Variants in TMEM108 observed in about 807,000 individuals in gnomAD.
TMEM108 encodes transmembrane protein 108.
Under a neutral mutation model 35.1 loss-of-function variants are expected in TMEM108, and 12 were observed. The observed-to-expected ratio is 0.34, with a 90% confidence interval of 0.22 to 0.55. The LOEUF (loss-of-function observed/expected upper bound fraction) is 0.55, where lower values mean the gene tolerates loss of function less well. TMEM108 is among the 20% of genes least tolerant of loss of function. TMEM108 has a pLI of 0.89. For synonymous variants in TMEM108, 287 were observed against 308.6 expected, an observed-to-expected ratio of 0.93 and a Z score of 0.73; for missense variants, 680 against 753.3, an observed-to-expected ratio of 0.90 and a Z score of 1.14.
At chr3:133,284,632 A>T (rs1211977534) in intron 3 of TMEM108, among the ~76,000 whole-genome samples, 1 of 152,160 alleles carries the variant, frequency 6.6e-6, no homozygotes, top group East Asian at 1.9e-4. Flanking sequence ...GTGACTAAGA[A>T]CTGTTTGGTG....
chr3:133,321,744 A>G (rs2071270295), intron 3 of TMEM108, among the ~76,000 whole-genome samples: 1 of 152,182 alleles, frequency 6.6e-6, no homozygotes, highest in Non-Finnish European at 1.5e-5. Flanking sequence ...TCATCATCAC[A>G]TGGAACATTC....
rs1257987859 is a variant in TMEM108 at position 133,329,993 on chromosome 3, CT to C, written c.41-49754del. The stretch of plus-strand genomic sequence containing the variant: ...CTCCAAGGAATGAGTTTCCACCTGT[CT>C]TTTTATGCTTTGCATCTGGCAGTTT... On this transcript the variant is annotated intron_variant, in intron 3 of 5. Coordinates refer to ENST00000321871, the MANE Select transcript of TMEM108 (RefSeq NM_023943.4). Among the ~76,000 whole-genome samples the C allele has an allele frequency of 4.6e-5, 7 of 152,196 alleles. No homozygotes were observed. In the East Asian group the frequency reaches 1.3e-3, roughly 29 times the overall value.
intron 2 of TMEM108, among the ~76,000 whole-genome samples, chr3:133,171,805 G>T (rs1945134329): frequency 2.6e-5 from 4 of 151,994 alleles, no homozygotes; most frequent in South Asian, 4.1e-4. Context: ...CACATTTTTT[G>T]AAAAAACCTA....
rs568178094 is a variant in TMEM108 at position 133,346,536 on chromosome 3, G to C, written c.41-33216G>C. On this transcript the variant is annotated intron_variant, in intron 3 of 5. Coordinates refer to ENST00000321871, the MANE Select transcript of TMEM108 (RefSeq NM_023943.4). This position sits in a 1 kb window ranked among gnomAD's most constrained non-coding sequence, Gnocchi z 4.0. Reference sequence around the variant, plus strand: ...TTTTCTTATATTAAATTTTAAGAGAGATTTGTATATTTTGGATTCAAGTCC... The same window carrying C: ...TTTTCTTATATTAAATTTTAAGAGACATTTGTATATTTTGGATTCAAGTCC... Among the ~76,000 whole-genome samples, 1 of 151,946 alleles carries C rather than the reference G, an allele frequency of 6.6e-6. No homozygotes were observed. Among genetic ancestry groups the C allele is most frequent in the East Asian group, 1.9e-4 (1 of 5,192 alleles).
chr3:133,343,976 A>G (rs1358764958), intron 3 of TMEM108, among the ~76,000 whole-genome samples: 1 of 151,912 alleles, frequency 6.6e-6, no homozygotes, highest in Non-Finnish European at 1.5e-5. Context: ...CATATCAAAA[A>G]TATAGTAGTC....
intron 3 of TMEM108, among the ~76,000 whole-genome samples, chr3:133,319,191 C>T (rs777273150): frequency 3.3e-5 from 5 of 152,138 alleles, no homozygotes; most frequent in Admixed American, 6.6e-5. Flanking sequence ...AAGCCCTTGC[C>T]CAAGAAGAGT....
At chr3:133,273,411 G>C (rs1264813079) in intron 3 of TMEM108, among the ~76,000 whole-genome samples, 1 of 152,124 alleles carries the variant, frequency 6.6e-6, no homozygotes, top group Admixed American at 6.5e-5. Flanking sequence ...CACTTAAGAA[G>C]TATAGCTATT....
At chr3:133,103,056 C>T (rs1944107779) in intron 2 of TMEM108, among the ~76,000 whole-genome samples, 1 of 152,186 alleles carries the variant, frequency 6.6e-6, no homozygotes, top group Admixed American at 6.5e-5. Flanking sequence ...GACAGAAATA[C>T]TGTTCGACTC....
intron 2 of TMEM108, among the ~76,000 whole-genome samples, chr3:133,215,699 T>C (rs1464685508): frequency 6.6e-6 from 1 of 152,206 alleles, no homozygotes; most frequent in Non-Finnish European, 1.5e-5. Flanking sequence ...TCCTTATTGC[T>C]TTAGATTTTG....
chr3:133,214,659 G>A (rs758075336), intron 2 of TMEM108, among the ~76,000 whole-genome samples: 1 of 152,082 alleles, frequency 6.6e-6, no homozygotes, highest in Non-Finnish European at 1.5e-5. Flanking sequence ...TGTTAGTTAC[G>A]TTATATAACC....
intron 3 of TMEM108, among the ~76,000 whole-genome samples, chr3:133,243,162 C>G (rs1422545067): frequency 2.0e-5 from 3 of 152,076 alleles, no homozygotes; most frequent in African/African-American, 7.2e-5. Context: ...ATTCCAGTTG[C>G]TGGCCCGGAG....
intron 2 of TMEM108, among the ~76,000 whole-genome samples, chr3:133,127,702 TG>T (rs1944435910): frequency 6.6e-6 from 1 of 152,222 alleles, no homozygotes; most frequent in African/African-American, 2.4e-5. Context: ...GTGTATTTCC[TG>T]GTTATAGGCC....
chr3:133,094,527 G>A (rs1943989253), intron 2 of TMEM108, among the ~76,000 whole-genome samples: 1 of 152,186 alleles, frequency 6.6e-6, no homozygotes, highest in Admixed American at 6.5e-5. Context: ...AAGACATGCT[G>A]TTTGTTTGTG....
chr3:133,186,597 A>G (rs928172651), intron 2 of TMEM108, among the ~76,000 whole-genome samples: 4 of 152,232 alleles, frequency 2.6e-5, no homozygotes, highest in Non-Finnish European at 4.4e-5. Context: ...CTGAGAGCAT[A>G]TTGTGACATA....
chr3:133,175,726 T>C (rs1185012542), intron 2 of TMEM108, among the ~76,000 whole-genome samples: 1 of 152,188 alleles, frequency 6.6e-6, no homozygotes, highest in East Asian at 1.9e-4. Context: ...ACATGCCAAA[T>C]TGTAAAGACC....
At chr3:133,197,694 A>G (rs1945599133) in intron 2 of TMEM108, among the ~76,000 whole-genome samples, 1 of 141,502 alleles carries the variant, frequency 7.1e-6, no homozygotes, top group Admixed American at 7.2e-5. Context: ...GAATACTTCC[A>G]GCATGATATG....
intron 3 of TMEM108, among the ~76,000 whole-genome samples, chr3:133,269,672 T>C (rs1314485371): frequency 6.6e-6 from 1 of 152,236 alleles, no homozygotes; most frequent in Non-Finnish European, 1.5e-5. Context: ...ATTGAGTCAG[T>C]TTTTAATTGG....
At chr3:133,310,626 T>A (rs1431168405) in intron 3 of TMEM108, among the ~76,000 whole-genome samples, 2 of 145,048 alleles carry the variant, frequency 1.4e-5, no homozygotes, top group African/African-American at 5.1e-5. Context: ...TCTCTGCACA[T>A]TGAGGTGGGT....
At chr3:133,230,931 C>T (rs1318048207) in intron 3 of TMEM108, among the ~76,000 whole-genome samples, 1 of 152,156 alleles carries the variant, frequency 6.6e-6, no homozygotes, top group African/African-American at 2.4e-5. Flanking sequence ...TGTCTTAACA[C>T]CTTGCTGTTT....
Sources: allele counts gnomAD v4.1 joint callset (sites outside exome capture counted in the v4.1 genomes callset), GRCh38; gene constraint gnomAD v4.1.1; non-coding constraint Gnocchi (gnomAD v3.1); transcripts MANE v1.5; gene names NCBI Gene and HGNC (gene_info 2026-07-23, HGNC 2026-07-21).